The following SLIT2 variants were observed in gnomAD, a reference collection of about 807,000 sequenced individuals.
The protein encoded by SLIT2 is slit homolog 2 protein.
In SLIT2, 41 loss-of-function variants were observed where a neutral mutation model predicts 185.7. The ratio of observed to expected loss-of-function variants is 0.22; its 90% confidence interval spans 0.17 to 0.29. SLIT2 has a LOEUF of 0.29. SLIT2 is among the 10% of genes least tolerant of loss of function. The pLI is 1.00. For missense variants in SLIT2, 1,571 were observed against 1,909.0 expected (o/e 0.82, Z 3.30); for synonymous variants, 693 against 680.2 (o/e 1.02, Z -0.29).
intron 15 of SLIT2, among the ~76,000 whole-genome samples, chr4:20,527,447 C>T (rs560596180): frequency 7.2e-4 from 110 of 152,160 alleles, no homozygotes; most frequent in Middle Eastern, 3.4e-3. Flanking sequence ...CAACCATGCC[C>T]AGCTAATTTT....
intron 3 of SLIT2, among the ~76,000 whole-genome samples, chr4:20,266,258 C>T (rs1420473295): frequency 6.6e-6 from 1 of 151,802 alleles, no homozygotes; most frequent in East Asian, 1.9e-4. Context: ...CTGATGTAGA[C>T]TCGTTAACAA....
chr4:20,545,458 CAT>C (rs3836701), intron 21 of SLIT2, among the ~76,000 whole-genome samples: 61,559 of 147,764 alleles, frequency 0.42, 13,030 homozygotes, highest in East Asian at 0.78. Context: ...ATTGCTGTTA[CAT>C]ATATATATAT....
At chr4:20,533,988 A>G (rs1463317790) in intron 18 of SLIT2, among the ~76,000 whole-genome samples, 1 of 151,922 alleles carries the variant, frequency 6.6e-6, no homozygotes, top group Non-Finnish European at 1.5e-5. Context: ...CTTTACCCCA[A>G]TATTCCTGCC....
At chr4:20,333,370 T>C (rs1720228002) in intron 4 of SLIT2, among the ~76,000 whole-genome samples, 1 of 152,186 alleles carries the variant, frequency 6.6e-6, no homozygotes, top group South Asian at 2.1e-4. Context: ...AATTTCTTAC[T>C]GCTAATCCAG....
intron 8 of SLIT2, among the ~76,000 whole-genome samples, chr4:20,489,440 TAAAAC>T (rs1213551505): frequency 6.6e-6 from 1 of 152,180 alleles, no homozygotes; most frequent in Non-Finnish European, 1.5e-5. Flanking sequence ...CAGTTTTACT[TAAAAC>T]AAATATTAAA....
intron 4 of SLIT2, among the ~76,000 whole-genome samples, chr4:20,459,298 C>CG (rs1177290029): frequency 6.6e-6 from 1 of 151,984 alleles, no homozygotes; most frequent in Non-Finnish European, 1.5e-5. Context: ...AATCAAGAAG[C>CG]AACAGTCAAG....
rs1418922413 is a variant in SLIT2 at position 20,595,805 on chromosome 4, C to T, written c.3291C>T (p.Gly1097=). The T allele has an allele frequency of 1.9e-6, 3 of 1,613,906 alleles. No individual in the cohort carries two copies. The highest frequency in any genetic ancestry group is 1.7e-5 in the Admixed American group (1 of 59,992). ...CCCACTGCACAGATGCAGTGAACGG[C>T]TATACGTGCATATGCCCCGAAGGTT... The part of the protein sequence containing the change: ...NGAHCTDAVN[G]YTCICPEGYS... Residue 1097 remains glycine, a synonymous_variant, in exon 31 of 37, where the codon GGC becomes GGT. Coordinates refer to ENST00000504154, the MANE Select transcript of SLIT2 (RefSeq NM_004787.4).
At chr4:20,450,964 T>A (rs1712407847) in intron 4 of SLIT2, among the ~76,000 whole-genome samples, 1 of 152,172 alleles carries the variant, frequency 6.6e-6, no homozygotes, top group South Asian at 2.1e-4. Flanking sequence ...GAATGATCTA[T>A]CTTACAACAA....
At chr4:20,281,211 A>G (rs1051761635) in intron 4 of SLIT2, among the ~76,000 whole-genome samples, 14 of 152,226 alleles carry the variant, frequency 9.2e-5, no homozygotes, top group African/African-American at 3.4e-4. Context: ...ATCTCTCAAT[A>G]TGAGGTAAGT....
chr4:20,620,238 G>A lies in SLIT2; in HGVS notation c.*1229G>A, dbSNP rs1406740243. 1 of 324,342 alleles carries A rather than the reference G, an allele frequency of 3.1e-6. No individual in the cohort carries two copies. The highest frequency in any genetic ancestry group is 8.5e-5 in the East Asian group (1 of 11,736). The allele number at this position is 324,342 out of a possible 1,614,324, so 20.1% of individuals were successfully genotyped here. A position where few individuals can be genotyped will look rare whatever the true frequency, so the allele number is the denominator to read the frequency against. Reference sequence around the variant, plus strand: ...TTGCCCTTTTGTGGGGGTGAGGTGGGGATAAAAAGACTGTCATATCAAGAA... The same window carrying A: ...TTGCCCTTTTGTGGGGGTGAGGTGGAGATAAAAAGACTGTCATATCAAGAA... On this transcript the variant is annotated 3_prime_UTR_variant, in exon 37 of 37. Coordinates refer to ENST00000504154, the MANE Select transcript of SLIT2 (RefSeq NM_004787.4).
At chr4:20,566,143 C>T (rs543889771) in intron 26 of SLIT2, among the ~76,000 whole-genome samples, 5 of 152,082 alleles carry the variant, frequency 3.3e-5, no homozygotes, top group South Asian at 4.1e-4. Flanking sequence ...AGAGCAGTAA[C>T]GGTGGGGGTG....
intron 26 of SLIT2, 49 bp downstream of exon 26, chr4:20,554,017 T>TA: frequency 1.4e-6 from 2 of 1,430,474 alleles, no homozygotes; most frequent in Non-Finnish European, 1.9e-6. Context: ...CTATATTAAG[T>TA]AAAAAAGAAA....
intron 4 of SLIT2, among the ~76,000 whole-genome samples, chr4:20,283,120 G>GCGTGCACA (rs143964894): frequency 2.0e-5 from 3 of 149,850 alleles, no homozygotes; most frequent in Admixed American, 6.7e-5. Context: ...GTGCGCGCGC[G>GCGTGCACA]CACACACACA....
intron 7 of SLIT2, among the ~76,000 whole-genome samples, chr4:20,487,098 T>G (rs1410833341): frequency 6.6e-6 from 1 of 152,134 alleles, no homozygotes; most frequent in Non-Finnish European, 1.5e-5. Flanking sequence ...ATTAATTTTA[T>G]TTTCTTAATA....
chr4:20,549,261 G>C, intron 24 of SLIT2, 133 bp downstream of exon 24: 1 of 559,726 alleles, frequency 1.8e-6, no homozygotes, highest in Non-Finnish European at 3.2e-6. Context: ...TTATAAATTA[G>C]GAAATAGAAA....
chr4:20,510,379 A>T (rs897109051), intron 9 of SLIT2, 116 bp from the exon 10 acceptor site: 55 of 732,818 alleles, frequency 7.5e-5, no homozygotes, highest in Middle Eastern at 2.5e-4. Flanking sequence ...TCAGGAAAAA[A>T]ATATATCACT....
At chr4:20,291,484 ATATATATATTTTTTTTTTTTTTTTTTTTT>A (rs1308782033) in intron 4 of SLIT2, among the ~76,000 whole-genome samples, 19 of 10,510 alleles carry the variant, frequency 1.8e-3, no homozygotes, top group East Asian at 3.6e-3. Flanking sequence ...ATATATATAT[ATATATATATTTTTTTTTTTTTTTTTTTTT>A]TTTTTTTTTT....
chr4:20,450,722 A>G (rs559239803), intron 4 of SLIT2, among the ~76,000 whole-genome samples: 2 of 152,358 alleles, frequency 1.3e-5, no homozygotes, highest in South Asian at 2.1e-4. Context: ...TCAAAATGCT[A>G]TGAAGAATTG....
chr4:20,438,567 T>G (rs758841647), intron 4 of SLIT2, among the ~76,000 whole-genome samples: 2 of 152,144 alleles, frequency 1.3e-5, no homozygotes, highest in African/African-American at 2.4e-5. Context: ...CAAGATGAGA[T>G]TTGGGTGGGG....
Sources: gnomAD v4.1 joint callset for allele counts (sites outside exome capture counted in the v4.1 genomes callset) on GRCh38, gnomAD v4.1.1 for gene constraint, MANE v1.5 for transcripts, NCBI Gene and HGNC (gene_info 2026-07-23, HGNC 2026-07-21) for gene names.